The following DIAPH3 variants were observed in gnomAD, a reference collection of about 807,000 sequenced individuals.
DIAPH3 encodes diaphanous related formin 3.
In DIAPH3, 117 loss-of-function variants were observed where a neutral mutation model predicts 144.3. The observed-to-expected ratio is 0.81, with a 90% CI of 0.70 to 0.95. The LOEUF (loss-of-function observed/expected upper bound fraction) is 0.95, where lower values mean the gene tolerates loss of function less well. DIAPH3 is among the 40% of genes least tolerant of loss of function. DIAPH3 has a pLI of 0.00. For missense variants in DIAPH3, 1,421 were observed against 1,412.7 expected, an observed-to-expected ratio of 1.01 and a Z score of -0.09; for synonymous variants, 519 against 488.9, an observed-to-expected ratio of 1.06 and a Z score of -0.81.
At chr13:60,151,557 T>C (rs1015283629) in intron 1 of DIAPH3, among the ~76,000 whole-genome samples, 1 of 152,210 alleles carries the variant, frequency 6.6e-6, no homozygotes, top group Non-Finnish European at 1.5e-5. Context: ...AAATTCATCA[T>C]GAATGGGTTA....
intron 9 of DIAPH3, among the ~76,000 whole-genome samples, chr13:59,998,865 A>C (rs529019390): frequency 1.3e-5 from 2 of 152,166 alleles, no homozygotes; most frequent in Non-Finnish European, 2.9e-5. Flanking sequence ...GGGATAGCTC[A>C]ACAATGATCC....
chr13:59,876,981 T>C (rs2044670909), intron 21 of DIAPH3, among the ~76,000 whole-genome samples: 1 of 152,062 alleles, frequency 6.6e-6, no homozygotes, highest in African/African-American at 2.4e-5. Flanking sequence ...TCCTCAGATG[T>C]CCCTGAATTT....
At chr13:59,943,387 C>G (rs1233312172) in intron 17 of DIAPH3, among the ~76,000 whole-genome samples, 1 of 152,170 alleles carries the variant, frequency 6.6e-6, no homozygotes, top group Non-Finnish European at 1.5e-5. Context: ...CACTCCATTT[C>G]CTGGGGAAGG....
chr13:60,085,539 G>A (rs1180481940), intron 4 of DIAPH3, among the ~76,000 whole-genome samples: 1 of 152,100 alleles, frequency 6.6e-6, no homozygotes, highest in Non-Finnish European at 1.5e-5. Context: ...TTATGGAAGT[G>A]TTAAGTGGTA....
At chr13:59,998,624 C>T (rs2052350230) in intron 9 of DIAPH3, among the ~76,000 whole-genome samples, 1 of 152,000 alleles carries the variant, frequency 6.6e-6, no homozygotes, top group Non-Finnish European at 1.5e-5. Flanking sequence ...TAATGATAAC[C>T]ATTAGTTTAT....
At chr13:59,810,682 A>T in intron 25 of DIAPH3, 106 bp downstream of exon 25, 1 of 1,206,998 alleles carries the variant, frequency 8.3e-7, no homozygotes, top group South Asian at 1.4e-5. Context: ...TACAGAAACA[A>T]GTGGTTGTAT....
chr13:59,899,965 T>A (rs1043664936), intron 20 of DIAPH3, among the ~76,000 whole-genome samples: 8 of 152,146 alleles, frequency 5.3e-5, no homozygotes, highest in Non-Finnish European at 1.0e-4. Flanking sequence ...AATTAAAGAA[T>A]TGCAGAGTTA....
At chr13:59,970,163 TAA>T (rs1294837272) in intron 16 of DIAPH3, 105 bp from the exon 17 acceptor site, 1 of 540,744 alleles carries the variant, frequency 1.8e-6, no homozygotes, top group Non-Finnish European at 3.2e-6. Flanking sequence ...CAGATATTTA[TAA>T]AGTCGTATCT....
At chr13:60,008,315 G>C (rs1400294719) in intron 9 of DIAPH3, among the ~76,000 whole-genome samples, 1 of 152,132 alleles carries the variant, frequency 6.6e-6, no homozygotes, top group Non-Finnish European at 1.5e-5. Context: ...AGAATGGTGT[G>C]AACCCAGGAG....
At chr13:60,089,545 G>A (rs2057862908) in intron 4 of DIAPH3, among the ~76,000 whole-genome samples, 1 of 152,106 alleles carries the variant, frequency 6.6e-6, no homozygotes, top group Non-Finnish European at 1.5e-5. Context: ...TTCTGGTCCA[G>A]AATTTTCTTG....
chr13:59,724,778 C>T (rs1426739984), intron 27 of DIAPH3, among the ~76,000 whole-genome samples: 1 of 152,138 alleles, frequency 6.6e-6, no homozygotes, highest in Non-Finnish European at 1.5e-5. Context: ...TAGAAATCAC[C>T]TTCCTAATTT....
intron 17 of DIAPH3, among the ~76,000 whole-genome samples, chr13:59,957,213 T>C (rs894681474): frequency 6.6e-6 from 1 of 152,158 alleles, no homozygotes; most frequent in Non-Finnish European, 1.5e-5. Flanking sequence ...AGGGGTGGAA[T>C]GATATGGTTT....
chr13:59,682,222 A>G (rs547387252), intron 27 of DIAPH3, among the ~76,000 whole-genome samples: 192 of 152,388 alleles, frequency 1.3e-3, no homozygotes, highest in African/African-American at 4.0e-3. Flanking sequence ...TTTAACAAAT[A>G]CTACCCAATT....
chr13:60,066,729 A>T (rs2056982863), intron 4 of DIAPH3, among the ~76,000 whole-genome samples: 1 of 152,250 alleles, frequency 6.6e-6, no homozygotes. Context: ...TTCTTGTGAA[A>T]ATCAGAAATG....
chr13:59,898,275 A>G (rs2046244000), intron 20 of DIAPH3, among the ~76,000 whole-genome samples: 1 of 152,154 alleles, frequency 6.6e-6, no homozygotes, highest in African/African-American at 2.4e-5. Flanking sequence ...GCTCTGTGAG[A>G]CAGGTTCTAT....
intron 24 of DIAPH3, among the ~76,000 whole-genome samples, chr13:59,827,878 T>G (rs183437540): frequency 1.8e-4 from 28 of 152,022 alleles, no homozygotes; most frequent in Non-Finnish European, 8.8e-5. Context: ...AGCTGTTGGA[T>G]AGATTAAGGA....
intron 17 of DIAPH3, among the ~76,000 whole-genome samples, chr13:59,954,070 A>G (rs1357809637): frequency 1.3e-5 from 2 of 152,204 alleles, no homozygotes; most frequent in Non-Finnish European, 2.9e-5. Flanking sequence ...GTCCTTCAAG[A>G]TGCACCTAGT....
At chr13:59,739,463 G>A (rs2036332916) in intron 27 of DIAPH3, among the ~76,000 whole-genome samples, 1 of 152,112 alleles carries the variant, frequency 6.6e-6, no homozygotes, top group South Asian at 2.1e-4. Context: ...ACCCTTTTGA[G>A]TATTAATGAT....
At chr13:59,929,554 CTTTTTTTTTTTTTTT>C (rs1167902415) in intron 17 of DIAPH3, among the ~76,000 whole-genome samples, 3 of 56,088 alleles carry the variant, frequency 5.3e-5, no homozygotes, top group African/African-American at 1.4e-4. Context: ...AAATTTTGTT[CTTTTTTTTTTTTTTT>C]TTTTTTTTTT....
Sources: allele counts gnomAD v4.1 joint callset (sites outside exome capture counted in the v4.1 genomes callset), GRCh38; gene constraint gnomAD v4.1.1; transcripts MANE v1.5; gene names NCBI Gene and HGNC (gene_info 2026-07-23, HGNC 2026-07-21).